Variants in FAT1 observed in about 807,000 individuals in gnomAD.
FAT1 encodes the protein protocadherin Fat 1.
Under a neutral mutation model 329.8 loss-of-function variants are expected in FAT1, and 171 were observed. That is an observed-to-expected ratio of 0.52 (90% confidence interval 0.46 to 0.59). The LOEUF (loss-of-function observed/expected upper bound fraction) is 0.59. Among genes scored for constraint, FAT1 ranks in the 20% least tolerant of loss-of-function variants. FAT1 has a pLI of 0.00. For missense variants in FAT1, 5,672 were observed against 5,774.4 expected (o/e 0.98, Z 0.57); for synonymous variants, 2,233 against 2,228.6 (o/e 1.00, Z -0.06).
rs577305144 is a variant in FAT1, at chr4:186,621,630, A to G, written c.4956T>C (p.Ser1652=). 2 of 1,614,070 alleles carry G rather than the reference A, an allele frequency of 1.2e-6. No individual in the cohort carries two copies. Among genetic ancestry groups the G allele is most frequent in the East Asian group, 4.5e-5 (2 of 44,882 alleles). ...CAGCAATTGTGACAAAGATACGCAC[A>G]GAAGTTATTTCACTCATTGGTGGAC... ...KGSPPMSEIT[S]VRIFVTIADN... is the part of the protein sequence containing the mutation. The change falls in exon 10 of 27, where the codon TCT becomes TCC. Residue 1652 remains serine, a synonymous_variant. Coordinates refer to ENST00000441802, the MANE Select transcript of FAT1 (RefSeq NM_005245.4).
chr4:186,686,733 C>A (rs1743489083), intron 2 of FAT1, among the ~76,000 whole-genome samples: 1 of 152,086 alleles, frequency 6.6e-6, no homozygotes, highest in Non-Finnish European at 1.5e-5. Context: ...CCTAGTATCA[C>A]ATCCTTGATA....
chr4:186,599,965 C>T lies in FAT1; in HGVS notation c.12036G>A (p.Thr4012=), dbSNP rs201650505. The T allele has an allele frequency of 3.7e-4, 601 of 1,613,952 alleles. 8 individuals carry two copies. In the Admixed American group the frequency reaches 9.5e-3, roughly 26 times the overall value. ...GGTTGCTGGCGCAGTCTTCCGTGGC[C>T]GTCAGGAAGCAGCCTGGAGATACAT... ...SVDVSPGCFL[T]ATEDCASNPC... The change falls in exon 22 of 27, where the codon ACG becomes ACA. Residue 4012 remains threonine, a synonymous_variant. Transcript: ENST00000441802.
In FAT1 at chr4:186,618,775, T is replaced by C. The variant is rs772172405; in HGVS notation, c.7811A>G (p.Asn2604Ser). 1 of 1,614,048 alleles carries C rather than the reference T, an allele frequency of 6.2e-7. No individual in the cohort carries two copies. The highest frequency in any genetic ancestry group is 8.5e-7 in the Non-Finnish European group (1 of 1,179,896). Reference sequence around the variant, plus strand: ...CCCTTTAGCAGCACTGGACCCGATATTCACTTCGTATTTGGTTGCTCGAAA... The same window carrying C: ...CCCTTTAGCAGCACTGGACCCGATACTCACTTCGTATTTGGTTGCTCGAAA... Reference protein sequence around the residue: ...PQFRATKYEVNIGSSAAKGTS... With the variant: ...PQFRATKYEVSIGSSAAKGTS... The change falls in exon 10 of 27, where the codon AAT (asparagine) becomes AGT (serine). Residue 2604 changes from asparagine (N) to serine (S), a missense_variant. Asn to Ser is a conservative substitution (Grantham distance 46). Around this residue, in one of 2 missense-constraint regions of FAT1, gnomAD observed 3,966 missense variants for 3,915.2 expected, o/e 1.01. Coordinates refer to ENST00000441802, the MANE Select transcript of FAT1 (RefSeq NM_005245.4).
intron 2 of FAT1, among the ~76,000 whole-genome samples, chr4:186,664,565 G>C (rs1742340974): frequency 1.3e-5 from 2 of 152,192 alleles, no homozygotes; most frequent in African/African-American, 4.8e-5. Context: ...AAGAGGGTTA[G>C]AGTATCTGTA....
chr4:186,624,660 C>T (rs1740213414), intron 9 of FAT1, among the ~76,000 whole-genome samples: 3 of 152,150 alleles, frequency 2.0e-5, no homozygotes, highest in Admixed American at 2.0e-4. Flanking sequence ...CCTAATCAGA[C>T]CAAACCTTTT....
intron 14 of FAT1, among the ~76,000 whole-genome samples, chr4:186,610,973 C>T (rs1739418322): frequency 6.6e-6 from 1 of 151,640 alleles, no homozygotes; most frequent in Admixed American, 6.6e-5. Flanking sequence ...TATCAGAAGC[C>T]CACTACAGAA....
Position 186,621,470 on chromosome 4 carries a change from T to C in FAT1, c.5116A>G (p.Thr1706Ala), listed in dbSNP as rs1280149598. Residue 1706 changes from threonine to alanine, a missense_variant, in exon 10 of 27, where the codon ACA becomes GCA. By Grantham distance (58) the Thr-to-Ala change is moderately conservative. This residue lies in a region of FAT1 where 3,966 missense variants were observed against 3,915.2 expected (regional missense o/e 1.01). Transcript: ENST00000441802. ...GGATTAATATCAAAAGCATCACCTGTATTTCCATCTTTTATTTCATACACC... is the reference window on the plus strand; with the variant it reads ...GGATTAATATCAAAAGCATCACCTGCATTTCCATCTTTTATTTCATACACC... ...SVVYEIKDGNTGDAFDINPHS... is the reference protein window; with the variant it reads ...SVVYEIKDGNAGDAFDINPHS... The C allele has an allele frequency of 1.2e-6, 2 of 1,614,060 alleles. No homozygotes were observed. The highest frequency in any genetic ancestry group is 2.2e-5 in the East Asian group (1 of 44,882).
chr4:186,711,576 A>G (rs1490714911), intron 1 of FAT1, among the ~76,000 whole-genome samples: 1 of 152,168 alleles, frequency 6.6e-6, no homozygotes, highest in East Asian at 1.9e-4. Flanking sequence ...TTAAGGAATA[A>G]AAGACAAAGA....
rs10561120 is a variant in FAT1 at position 186,682,526 on chromosome 4, C to CAAAAAAAAAAA, written c.3266-18924_3266-18914dup. The stretch of plus-strand genomic sequence containing the variant: ...TGAGTGAAAGAGCGAGACTCTGTCT[C>CAAAAAAAAAAA]AAAAAAAAAAAAAAAAAAGAAAGTT... On this transcript the variant is annotated intron_variant, in intron 2 of 26. Coordinates refer to ENST00000441802, the MANE Select transcript of FAT1 (RefSeq NM_005245.4). Among the ~76,000 whole-genome samples the CAAAAAAAAAAA allele has an allele frequency of 2.1e-3, 254 of 119,494 alleles. 3 individuals carry two copies. Among genetic ancestry groups the CAAAAAAAAAAA allele is most frequent in the Middle Eastern group, 4.5e-3 (1 of 222 alleles). 78.4% of individuals were successfully genotyped at this position (119,494 alleles called of 152,430 possible).
intron 2 of FAT1, among the ~76,000 whole-genome samples, chr4:186,697,487 G>C (rs1744094335): frequency 6.6e-6 from 1 of 152,156 alleles, no homozygotes; most frequent in Non-Finnish European, 1.5e-5. Flanking sequence ...TCAATGGGGA[G>C]ACAGAACATC....
chr4:186,679,371 C>A (rs938356656), intron 2 of FAT1, among the ~76,000 whole-genome samples: 9 of 139,516 alleles, frequency 6.5e-5, no homozygotes, highest in Admixed American at 5.3e-4. Context: ...GAGCTGAGAT[C>A]GCACCACTGC....
chr4:186,665,316 G>C (rs1742380886), intron 2 of FAT1, among the ~76,000 whole-genome samples: 1 of 152,192 alleles, frequency 6.6e-6, no homozygotes, highest in Non-Finnish European at 1.5e-5. Flanking sequence ...CACCAACAGT[G>C]TTAAAGTGTT....
In FAT1 at chr4:186,603,052, A is replaced by G; in HGVS notation, c.11351-18T>C. The G allele has an allele frequency of 6.2e-7, 1 of 1,613,644 alleles. No individual in the cohort carries two copies. The highest frequency in any genetic ancestry group is 1.1e-5 in the South Asian group (1 of 91,052). ...CCTTCCCTCTTCATTCAAAGAGGGGAGAAAGGGAAAAGATAATTAACAGAC... is the reference window on the plus strand; with the variant it reads ...CCTTCCCTCTTCATTCAAAGAGGGGGGAAAGGGAAAAGATAATTAACAGAC... On this transcript the variant is annotated intron_variant, in intron 19 of 26. Transcript: ENST00000441802.
Position 186,619,923 on chromosome 4 carries a change from T to TC in FAT1, c.6662dup (p.Asp2222ArgfsTer9). The TC allele has an allele frequency of 6.2e-7, 1 of 1,614,010 alleles. No individual in the cohort carries two copies. The highest frequency in any genetic ancestry group is 8.5e-7 in the Non-Finnish European group (1 of 1,179,888). Reference sequence around the variant, plus strand: ...TAATAGTGAACTGGCTGAAAGGGTCTCCGTCTGTGATGCTGTAGAACACTT... The same window carrying TC: ...TAATAGTGAACTGGCTGAAAGGGTCTCCCGTCTGTGATGCTGTAGAACACTT... On this transcript the variant is annotated frameshift_variant, in exon 10 of 27. Coordinates refer to ENST00000441802, the MANE Select transcript of FAT1 (RefSeq NM_005245.4). LOFTEE classifies it high-confidence loss of function.
intron 3 of FAT1, among the ~76,000 whole-genome samples, chr4:186,640,832 A>C (rs1386203449): frequency 1.3e-5 from 2 of 152,138 alleles, no homozygotes; most frequent in Non-Finnish European, 2.9e-5. Flanking sequence ...TAAGCACTAA[A>C]ATGTCGTCCC....
intron 2 of FAT1, among the ~76,000 whole-genome samples, chr4:186,697,187 C>T (rs1258339729): frequency 6.6e-6 from 1 of 152,128 alleles, no homozygotes. Context: ...AAACTAAAGA[C>T]CAAAGCCTGG....
chr4:186,598,172 A>C, intron 22 of FAT1, 47 bp from the exon 23 acceptor site: 1 of 1,513,812 alleles, frequency 6.6e-7, no homozygotes, highest in South Asian at 1.3e-5. Context: ...TCAATGACTC[A>C]GAAACCTGGT....
At chr4:186,622,373 G>A (rs11726072) in intron 9 of FAT1, among the ~76,000 whole-genome samples, 11,257 of 152,204 alleles carry the variant, frequency 0.074, 558 homozygotes, top group Non-Finnish European at 0.12. Flanking sequence ...TCCCCTGGGG[G>A]CAATTCTGCT....
chr4:186,715,084 A>G (rs75032207), intron 1 of FAT1, among the ~76,000 whole-genome samples: 1 of 77,240 alleles, frequency 1.3e-5, no homozygotes, highest in Non-Finnish European at 2.1e-5. Context: ...TCTCAAAAAC[A>G]AAAAAAAAAG....
Sources: gnomAD v4.1 joint callset for allele counts (sites outside exome capture counted in the v4.1 genomes callset) on GRCh38, gnomAD v4.1.1 for gene constraint, gnomAD v4.1.1 regional missense constraint, MANE v1.5 for transcripts, NCBI Gene and HGNC (gene_info 2026-07-23, HGNC 2026-07-21) for gene names.